ZEB1: variants seen among roughly 807,000 people sequenced by gnomAD.
The protein encoded by ZEB1 is zinc finger E-box binding homeobox 1, also known as zinc finger E-box-binding homeobox 1.
Under a neutral mutation model 84.9 loss-of-function variants are expected in ZEB1, and 21 were observed. The ratio of observed to expected loss-of-function variants is 0.25; its 90% confidence interval spans 0.18 to 0.36. ZEB1 has a LOEUF of 0.36. ZEB1 is among the 10% of genes least tolerant of loss of function. The pLI is 1.00. For missense variants in ZEB1, 1,104 were observed against 1,330.2 expected (o/e 0.83, Z 2.65); for synonymous variants, 420 against 471.1 (o/e 0.89, Z 1.41).
At chr10:31,509,356 C>G (rs1043998367) in intron 4 of ZEB1, among the ~76,000 whole-genome samples, 10 of 152,198 alleles carry the variant, frequency 6.6e-5, no homozygotes, top group Non-Finnish European at 1.3e-4. Context: ...GGGTCTCTCA[C>G]TTACTCTTTC....
At chr10:31,347,041 A>G (rs1278827876) in intron 1 of ZEB1, among the ~76,000 whole-genome samples, 2 of 152,198 alleles carry the variant, frequency 1.3e-5, no homozygotes, top group Non-Finnish European at 2.9e-5. Flanking sequence ...CCAAAGTAAG[A>G]TAAAGCTCAG....
intron 2 of ZEB1, among the ~76,000 whole-genome samples, chr10:31,475,706 G>A (rs1470466636): frequency 6.6e-6 from 1 of 152,066 alleles, no homozygotes; most frequent in Non-Finnish European, 1.5e-5. Context: ...CATAATTGAA[G>A]GAGAAATAGT....
At chr10:31,460,954 G>A (rs2061736658) in intron 1 of ZEB1, 83 bp from the exon 2 acceptor site, 2 of 1,082,214 alleles carry the variant, frequency 1.8e-6, no homozygotes, top group Non-Finnish European at 2.8e-6. Context: ...TCTGTTTTAA[G>A]CATCTTTTTT....
In ZEB1 at chr10:31,442,976, G is replaced by A. The variant is rs559054937; in HGVS notation, c.59-18061G>A. Among the ~76,000 whole-genome samples, 24 of 152,270 alleles carry A rather than the reference G, an allele frequency of 1.6e-4. No individual in the cohort carries two copies. In the South Asian group the frequency reaches 4.8e-3, roughly 30 times the overall value. ...CTTTTCCAAAAAGCTTTGAAGTATA[G>A]AGGGACTGAGATATAGAATTAGGAG... On this transcript the variant is annotated intron_variant, in intron 1 of 8. Transcript: ENST00000424869.
intron 3 of ZEB1, among the ~76,000 whole-genome samples, chr10:31,499,757 C>T (rs2139158635): frequency 6.6e-6 from 1 of 151,424 alleles, no homozygotes; most frequent in South Asian, 2.1e-4. Context: ...AAGAGCGAAA[C>T]TCATTCTCAA....
At chr10:31,387,487 A>G (rs1018661319) in intron 1 of ZEB1, among the ~76,000 whole-genome samples, 1 of 152,064 alleles carries the variant, frequency 6.6e-6, no homozygotes, top group African/African-American at 2.4e-5. Context: ...GTTTTACTTT[A>G]AAAAAAATCC....
intron 2 of ZEB1, among the ~76,000 whole-genome samples, chr10:31,489,668 G>C (rs919880550): frequency 4.0e-5 from 6 of 151,234 alleles, no homozygotes; most frequent in Non-Finnish European, 8.9e-5. Flanking sequence ...CTATGGATTA[G>C]AATGTACATC....
chr10:31,518,716 C>T (rs1209855387), intron 6 of ZEB1, among the ~76,000 whole-genome samples: 3 of 151,986 alleles, frequency 2.0e-5, no homozygotes, highest in Non-Finnish European at 1.5e-5. Context: ...CAGACAGGAC[C>T]ATCTTGTGCA....
chr10:31,518,201 G>T (rs72807313), intron 6 of ZEB1, among the ~76,000 whole-genome samples: 3,757 of 152,214 alleles, frequency 0.025, 64 homozygotes, highest in Middle Eastern at 0.041. Flanking sequence ...TGTATTTTGA[G>T]AATTGAATCC....
At chr10:31,354,008 A>T (rs748806798) in intron 1 of ZEB1, among the ~76,000 whole-genome samples, 2 of 152,206 alleles carry the variant, frequency 1.3e-5, no homozygotes, top group South Asian at 2.1e-4. Context: ...GAACTTTTGG[A>T]TGCTAGTGAT....
intron 1 of ZEB1, among the ~76,000 whole-genome samples, chr10:31,431,955 T>G (rs577633159): frequency 3.6e-4 from 54 of 151,830 alleles, no homozygotes; most frequent in Non-Finnish European, 5.2e-4. Context: ...GGAGACTTGG[T>G]GGTTGTAAAT....
chr10:31,471,429 A>G lies in ZEB1; in HGVS notation c.259+10192A>G, dbSNP rs535890797. On this transcript the variant is annotated intron_variant, in intron 2 of 8. Coordinates refer to ENST00000424869, the MANE Select transcript of ZEB1 (RefSeq NM_001174096.2). ...GGTTGCAATCCTAGTCTCTGATAAA[A>G]CAGACCTTAAACCAATAAAGATCAA... 4.0e-5 allele frequency among the ~76,000 whole-genome samples: 6 copies of G among 151,778 alleles called. No homozygotes were observed. In the East Asian group the frequency reaches 9.7e-4, roughly 24 times the overall value.
At position 31,366,048 on chromosome 10, in the gene ZEB1, A is replaced by T. The variant is rs1184386699; in HGVS notation, c.58+46756A>T. Among the ~76,000 whole-genome samples, 25 of 152,220 alleles carry T rather than the reference A, an allele frequency of 1.6e-4. 1 individual carries two copies. Among genetic ancestry groups the T allele is most frequent in the Admixed American group, 1.6e-3 (25 of 15,286 alleles). On this transcript the variant is annotated intron_variant, in intron 1 of 8. Transcript: ENST00000424869. ...CTGCTGGCTCTAGCAAATCAGAGCT[A>T]ATCAACCTGAGAATAATGTTTGCAC...
intron 2 of ZEB1, among the ~76,000 whole-genome samples, chr10:31,468,206 C>T (rs995786232): frequency 1.3e-5 from 2 of 152,188 alleles, no homozygotes; most frequent in African/African-American, 4.8e-5. Context: ...CCAGCTTTGC[C>T]CCCTCTAGCC....
intron 2 of ZEB1, among the ~76,000 whole-genome samples, chr10:31,480,422 C>T (rs1254036884): frequency 6.0e-5 from 9 of 149,308 alleles, no homozygotes; most frequent in African/African-American, 1.8e-4. Context: ...TGAACCTACT[C>T]TTTGGAATCA....
intron 1 of ZEB1, among the ~76,000 whole-genome samples, chr10:31,421,945 G>T (rs2056231465): frequency 1.3e-5 from 2 of 151,958 alleles, no homozygotes; most frequent in Admixed American, 6.6e-5. Context: ...CCTCCCCGCT[G>T]ATTTCAAGTG....
chr10:31,363,667 C>T (rs1326706562), intron 1 of ZEB1: 45 of 1,375,060 alleles, frequency 3.3e-5, no homozygotes, highest in Non-Finnish European at 4.4e-5. Flanking sequence ...GTTAAACTTG[C>T]CTCTGAGACA....
intron 1 of ZEB1, among the ~76,000 whole-genome samples, chr10:31,459,551 A>G (rs1032920772): frequency 1.3e-5 from 2 of 152,088 alleles, no homozygotes; most frequent in Admixed American, 6.6e-5. Flanking sequence ...CATTACTTTT[A>G]TAATAAAATA....
At chr10:31,526,536 G>C in intron 8 of ZEB1, 136 bp from the exon 9 acceptor site, 1 of 1,118,632 alleles carries the variant, frequency 8.9e-7, no homozygotes, top group Non-Finnish European at 1.3e-6. Context: ...ATTACAAAGA[G>C]TTTGGGACCT....
Sources: gnomAD v4.1 joint callset for allele counts (sites outside exome capture counted in the v4.1 genomes callset) on GRCh38, gnomAD v4.1.1 for gene constraint, MANE v1.5 for transcripts, NCBI Gene and HGNC (gene_info 2026-07-23, HGNC 2026-07-21) for gene names.